Variants in COL18A1 observed in about 807,000 individuals in gnomAD.
COL18A1 encodes the protein collagen type XVIII alpha 1 chain.
Under a neutral mutation model 168.0 loss-of-function variants are expected in COL18A1, and 133 were observed. The observed-to-expected ratio is 0.79, with a 90% CI of 0.69 to 0.91. COL18A1 has a LOEUF of 0.91. COL18A1 is among the 40% of genes least tolerant of loss of function. The probability of loss-of-function intolerance (pLI) is 0.00; values close to 1 mark genes in which losing one functional copy is unlikely to be tolerated. For synonymous variants in COL18A1, 949 were observed against 809.0 expected, an observed-to-expected ratio of 1.17 and a Z score of -2.94; for missense variants, 2,126 against 1,925.4, an observed-to-expected ratio of 1.10 and a Z score of -1.95.
intron 14 of COL18A1, among the ~76,000 whole-genome samples, chr21:45,482,581 C>T (rs746708127): frequency 4.6e-5 from 7 of 152,206 alleles, no homozygotes; most frequent in Non-Finnish European, 1.0e-4. Flanking sequence ...GCATTGGGAC[C>T]AGGCTTGGCG....
intron 2 of COL18A1, chr21:45,420,733 T>A (rs2033595705): frequency 6.6e-6 from 1 of 152,392 alleles, no homozygotes; most frequent in Non-Finnish European, 1.5e-5. Flanking sequence ...AGGTGTGGCA[T>A]GTGCAGGGAA....
chr21:45,435,083 G>A (rs2034064090), intron 2 of COL18A1, among the ~76,000 whole-genome samples: 1 of 152,012 alleles, frequency 6.6e-6, no homozygotes, highest in Non-Finnish European at 1.5e-5. Context: ...CTTTCTCGCA[G>A]CCCTGGTCCC....
intron 2 of COL18A1, among the ~76,000 whole-genome samples, chr21:45,411,778 A>AGGGGG (rs1569273645): frequency 8.3e-5 from 9 of 108,314 alleles, no homozygotes; most frequent in African/African-American, 1.6e-4. Flanking sequence ...GGGGGGGGGC[A>AGGGGG]GGCTGTGGTC....
Position 45,468,661 on chromosome 21 carries a change from C to T in COL18A1, c.526C>T (p.Leu176Phe), listed in dbSNP as rs561103016. The change falls in exon 3 of 42, where the codon CTC (leucine) becomes TTC (phenylalanine). Residue 176 changes from leucine (L) to phenylalanine (F), a missense_variant. Leu to Phe is a conservative substitution (Grantham distance 22). Transcript: ENST00000651438. Reference protein sequence around the residue: ...ALSVAGGFVALYVDCEEFQRM... With the variant: ...ALSVAGGFVAFYVDCEEFQRM... ...CAGTGTGGCAGGTGGCTTTGTGGCC[C>T]TCTACGTGGACTGTGAGGAGTTCCA... The T allele has an allele frequency of 1.9e-6, 3 of 1,613,938 alleles. No individual in the cohort carries two copies. Among genetic ancestry groups the T allele is most frequent in the East Asian group, 2.2e-5 (1 of 44,888 alleles).
rs752904594 is a variant in COL18A1 at position 45,505,872 on chromosome 21, G to T, written c.3122G>T (p.Gly1041Val). ...RLWATRQAML[G>V]QVHEVPEGWL... ...TGGGCTACACGCCAGGCCATGCTGGGCCAGGTGCACGAGGTTCCCGAGGGC... is the reference window on the plus strand; with the variant it reads ...TGGGCTACACGCCAGGCCATGCTGGTCCAGGTGCACGAGGTTCCCGAGGGC... Residue 1041 changes from glycine to valine, a missense_variant, in exon 37 of 42, where the codon GGC (glycine) becomes GTC (valine). By Grantham distance (109) the Gly-to-Val change is moderately radical. Transcript: ENST00000651438. 3.1e-6 allele frequency: 5 copies of T among 1,611,224 alleles called. No homozygotes were observed. The South Asian group carries it at 3.3e-5, about 11-fold the overall frequency.
Position 45,465,343 on chromosome 21 carries a change from C to T in COL18A1, c.107-2899C>T, listed in dbSNP as rs930692154. On this transcript the variant is annotated intron_variant, in intron 2 of 41. Transcript: ENST00000651438. ...CCGAGTGTCAACAGGAAGTCTCCAC[C>T]CGGGGACAGGGGCCCGTTTCTTAGG... 7.3e-5 allele frequency among the ~76,000 whole-genome samples: 11 copies of T among 151,522 alleles called. 1 individual carries two copies. In the East Asian group the frequency reaches 1.2e-3, roughly 16 times the overall value.
chr21:45,426,101 G>C (rs991861300), intron 2 of COL18A1, among the ~76,000 whole-genome samples: 3 of 151,960 alleles, frequency 2.0e-5, no homozygotes, highest in South Asian at 2.1e-4. Flanking sequence ...AGTGACTTTC[G>C]AGTTACTTTT....
Position 45,468,470 on chromosome 21 carries a change from C to T in COL18A1, c.335C>T (p.Thr112Met), listed in dbSNP as rs990338525. ...GGCCCAGGGGTGCTGTTCGCCATCACGGACTCGGCGCAGGCCATGGTCTTG... is the reference window on the plus strand; with the variant it reads ...GGCCCAGGGGTGCTGTTCGCCATCATGGACTCGGCGCAGGCCATGGTCTTG... ...TEGPGVLFAI[T>M]DSAQAMVLLG... Residue 112 changes from threonine to methionine, a missense_variant, in exon 3 of 42, where the codon ACG becomes ATG. Thr to Met is a moderately conservative substitution (Grantham distance 81, BLOSUM62 -1). Coordinates refer to ENST00000651438, the MANE Select transcript of COL18A1 (RefSeq NM_001379500.1). The T allele has an allele frequency of 2.1e-5, 34 of 1,614,096 alleles. No individual in the cohort carries two copies. The highest frequency in any genetic ancestry group is 2.7e-5 in the Non-Finnish European group (32 of 1,180,034).
At position 45,471,712 on chromosome 21, in the gene COL18A1, C is replaced by T. The variant is rs565615419; in HGVS notation, c.652-2183C>T. Among the ~76,000 whole-genome samples the T allele has an allele frequency of 1.3e-5, 2 of 152,258 alleles. No individual in the cohort carries two copies. The highest frequency in any genetic ancestry group is 4.8e-5 in the African/African-American group (2 of 41,534). ...CAGCTGCTGCCGTTGCCTTGAACGTCATTTCCAGCTGTGTCCTGATTTCCA... is the reference window on the plus strand; with the variant it reads ...CAGCTGCTGCCGTTGCCTTGAACGTTATTTCCAGCTGTGTCCTGATTTCCA... On this transcript the variant is annotated intron_variant, in intron 3 of 41. Coordinates refer to ENST00000651438, the MANE Select transcript of COL18A1 (RefSeq NM_001379500.1). This position sits in a 1 kb window ranked among gnomAD's most constrained non-coding sequence, Gnocchi z 4.4.
rs1426966968 is a variant in COL18A1 at position 45,487,387 on chromosome 21, G to A, written c.1834-60G>A. ...CTCCTCTCGGGCAGTGCCACCCCAG[G>A]GAGGGGTCCTTCCCTAAGAAGGGAC... On this transcript the variant is annotated intron_variant, in intron 16 of 41. Transcript: ENST00000651438. The A allele has an allele frequency of 3.8e-6, 6 of 1,590,592 alleles. No homozygotes were observed. In the Admixed American group the frequency reaches 5.0e-5, roughly 13 times the overall value.
chr21:45,475,648 C>G, intron 5 of COL18A1, 113 bp downstream of exon 5: 1 of 920,114 alleles, frequency 1.1e-6, no homozygotes, highest in East Asian at 2.6e-5. Context: ...TCCCTCTATG[C>G]CACGAAGACA....
chr21:45,473,949 T>C lies in COL18A1; in HGVS notation c.706T>C (p.Cys236Arg), dbSNP rs978814235. The C allele has an allele frequency of 3.7e-6, 6 of 1,604,512 alleles. No homozygotes were observed. The highest frequency in any genetic ancestry group is 5.1e-6 in the Non-Finnish European group (6 of 1,175,728). ...GGACCCCCAGGTGAGCCCCATGCAC[T>C]GCCTGGACGAGGAAGGCGATGACTC... ...RRDPQVSPMH[C>R]LDEEGDDSDG... The change falls in exon 4 of 42, where the codon TGC becomes CGC. Residue 236 changes from cysteine to arginine, a missense_variant. Transcript: ENST00000651438. This position sits in a 1 kb window ranked among gnomAD's most constrained non-coding sequence, Gnocchi z 4.0.
rs1267225584 is a variant in COL18A1, at chr21:45,498,247, G to T, written c.2683+586G>T. On this transcript the variant is annotated intron_variant, in intron 32 of 41. Transcript: ENST00000651438. The surrounding 1 kb of genome is among the most constrained non-coding windows in gnomAD (Gnocchi z 4.5). ...TTGAGGATGTCTGGGGGCTGGCAGAGCAGAAGCCCAGAGAGCCAGGCTAGC... is the reference window on the plus strand; with the variant it reads ...TTGAGGATGTCTGGGGGCTGGCAGATCAGAAGCCCAGAGAGCCAGGCTAGC... 2.8e-6 allele frequency: 2 copies of T among 704,540 alleles called. No homozygotes were observed. The highest frequency in any genetic ancestry group is 4.0e-5 in the Admixed American group (2 of 49,966). 43.6% of individuals were successfully genotyped at this position (704,540 alleles called of 1,614,324 possible).
intron 15 of COL18A1, among the ~76,000 whole-genome samples, chr21:45,485,008 C>G (rs2036059158): frequency 6.6e-6 from 1 of 152,096 alleles, no homozygotes; most frequent in Non-Finnish European, 1.5e-5. Flanking sequence ...AGGTTTTCAA[C>G]AAACCTTTTT....
Position 45,457,164 on chromosome 21 carries a change from G to C in COL18A1, c.107-11078G>C, listed in dbSNP as rs558461212. The stretch of plus-strand genomic sequence containing the variant: ...TTTTAGCGCATTTAGTCCTCAGCAC[G>C]GTCCCGAGATACCCTGCCATGCCCC... On this transcript the variant is annotated intron_variant, in intron 2 of 41. Transcript: ENST00000651438. The surrounding 1 kb of genome is among the most constrained non-coding windows in gnomAD (Gnocchi z 4.6). Among the ~76,000 whole-genome samples the C allele has an allele frequency of 5.9e-5, 9 of 152,320 alleles. No homozygotes were observed. The South Asian group carries it at 1.9e-3, about 32-fold the overall frequency.
chr21:45,456,954 G>T, intron 2 of COL18A1: 1 of 1,229,254 alleles, frequency 8.1e-7, no homozygotes. Context: ...GGGCTGACGT[G>T]AGCCTGGTAC....
Position 45,512,485 on chromosome 21 carries a change from GC to G in COL18A1, c.*91del. Reference sequence around the variant, plus strand: ...GCAGGGAGCGGCCGGCCAGCCCCTGGCCCCAGGACCTGGCTGCCATACTTTC... The same window carrying G: ...GCAGGGAGCGGCCGGCCAGCCCCTGGCCCAGGACCTGGCTGCCATACTTTC... On this transcript the variant is annotated 3_prime_UTR_variant, in exon 42 of 42. Coordinates refer to ENST00000651438, the MANE Select transcript of COL18A1 (RefSeq NM_001379500.1). The G allele has an allele frequency of 1.5e-6, 2 of 1,293,914 alleles. No individual in the cohort carries two copies. The highest frequency in any genetic ancestry group is 1.1e-6 in the Non-Finnish European group (1 of 914,564). The allele number at this position is 1,293,914 out of a possible 1,614,324, so 80.2% of individuals were successfully genotyped here. A position where few individuals can be genotyped will look rare whatever the true frequency, so the allele number is the denominator to read the frequency against.
rs62216329 is a variant in COL18A1, at chr21:45,491,362, G to T, written c.2157+48G>T. The T allele has an allele frequency of 0.41, 483,083 of 1,174,920 alleles. 100,796 individuals carry two copies. Among genetic ancestry groups the T allele is most frequent in the African/African-American group, 0.58 (36,780 of 63,172 alleles). 72.8% of individuals were successfully genotyped at this position (1,174,920 alleles called of 1,614,324 possible). A position where few individuals can be genotyped will look rare whatever the true frequency, so the allele number is the denominator to read the frequency against. On this transcript the variant is annotated intron_variant, in intron 22 of 41. Coordinates refer to ENST00000651438, the MANE Select transcript of COL18A1 (RefSeq NM_001379500.1). ...CACCCAATCTGTCCAGACCCCCCAC[G>T]GGGTGCAGAGATCCCTCCCCGAGCC...
At chr21:45,438,053 C>G (rs1441691471) in intron 2 of COL18A1, among the ~76,000 whole-genome samples, 1 of 135,690 alleles carries the variant, frequency 7.4e-6, no homozygotes, top group Non-Finnish European at 1.5e-5. Context: ...CTCTCCTGCA[C>G]ACACTCACAC....
Sources: gnomAD v4.1 joint callset for allele counts (sites outside exome capture counted in the v4.1 genomes callset) on GRCh38, gnomAD v4.1.1 for gene constraint, Gnocchi (gnomAD v3.1) non-coding constraint, MANE v1.5 for transcripts, NCBI Gene and HGNC (gene_info 2026-07-23, HGNC 2026-07-21) for gene names.